SOAT1: variants seen among roughly 807,000 people sequenced by gnomAD.
SOAT1 encodes sterol O-acyltransferase 1.
A neutral mutation model predicts 69.5 loss-of-function variants in SOAT1; 55 were observed. The ratio of observed to expected loss-of-function variants is 0.79; its 90% confidence interval spans 0.64 to 0.99. The LOEUF (loss-of-function observed/expected upper bound fraction) is 0.99, where lower values mean the gene tolerates loss of function less well. Ranked by LOEUF, SOAT1 falls within the 50% of genes least tolerant of loss-of-function variation. SOAT1 has a pLI of 0.00. For synonymous variants in SOAT1, 231 were observed against 224.7 expected (o/e 1.03, Z -0.25); for missense variants, 580 against 669.3 (o/e 0.87, Z 1.47).
intron 1 of SOAT1, among the ~76,000 whole-genome samples, chr1:179,296,111 G>A (rs1464213560): frequency 1.3e-5 from 2 of 148,384 alleles, no homozygotes. Context: ...GTGAGCCACC[G>A]CGCCCAGCTC....
At chr1:179,333,860 A>G (rs934813202) in intron 3 of SOAT1, among the ~76,000 whole-genome samples, 4 of 152,076 alleles carry the variant, frequency 2.6e-5, no homozygotes, top group African/African-American at 9.7e-5. Flanking sequence ...GTTTCAAGGA[A>G]GAACTCATTT....
At chr1:179,323,045 C>CTT (rs36045111) in intron 2 of SOAT1, among the ~76,000 whole-genome samples, 26,266 of 126,540 alleles carry the variant, frequency 0.21, 3,012 homozygotes, top group East Asian at 0.43. Context: ...TCTTTTCTTT[C>CTT]TTTTTTTTTT....
At position 179,318,008 on chromosome 1, in the gene SOAT1, T is replaced by G. The variant is rs552551553; in HGVS notation, c.119-5429T>G. On this transcript the variant is annotated intron_variant, in intron 2 of 15. Transcript: ENST00000367619. ...TAAGTCAAGCCCAGCCAGGGCAACA[T>G]AGTGAGACCTTGTCTCTACAAAACA... Among the ~76,000 whole-genome samples the G allele has an allele frequency of 4.7e-3, 708 of 151,996 alleles. 6 individuals are homozygous for G. The highest frequency in any genetic ancestry group is 0.016 in the African/African-American group (667 of 41,434).
At chr1:179,353,564 T>A in intron 15 of SOAT1, 21 bp from the exon 16 acceptor site, 1 of 1,607,674 alleles carries the variant, frequency 6.2e-7, no homozygotes, top group Non-Finnish European at 8.5e-7. Flanking sequence ...ATTTTTCCAT[T>A]CTTATTTTTC....
Position 179,347,674 on chromosome 1 carries a change from T to G in SOAT1, c.1192T>G (p.Phe398Val). The change falls in exon 12 of 16, where the codon TTT (phenylalanine) becomes GTT (valine). Residue 398 changes from phenylalanine to valine, a missense_variant. Phe to Val is a conservative substitution (Grantham distance 50). Transcript: ENST00000367619. The part of the protein sequence containing the change: ...WLNAFAEMLR[F>V]GDRMFYKDWW... Reference sequence around the variant, plus strand: ...CAATGCCTTTGCTGAGATGTTACGCTTTGGTGACAGGATGTTCTATAAGGT... The same window carrying G: ...CAATGCCTTTGCTGAGATGTTACGCGTTGGTGACAGGATGTTCTATAAGGT... The G allele has an allele frequency of 6.2e-7, 1 of 1,611,792 alleles. No individual in the cohort carries two copies. The highest frequency in any genetic ancestry group is 8.5e-7 in the Non-Finnish European group (1 of 1,178,020).
At chr1:179,323,045 C>CTTTTTTTTTTTTTTTTT (rs36045111) in intron 2 of SOAT1, among the ~76,000 whole-genome samples, 4 of 126,738 alleles carry the variant, frequency 3.2e-5, no homozygotes, top group Non-Finnish European at 4.9e-5. Context: ...TCTTTTCTTT[C>CTTTTTTTTTTTTTTTTT]TTTTTTTTTT....
intron 3 of SOAT1, 72 bp downstream of exon 3, chr1:179,323,567 T>C (rs2124965915): frequency 1.7e-6 from 2 of 1,203,268 alleles, no homozygotes; most frequent in East Asian, 2.4e-5. Flanking sequence ...ACATTTTTAA[T>C]GCTAAATTGC....
chr1:179,305,056 C>T (rs1664956906), intron 2 of SOAT1, among the ~76,000 whole-genome samples: 2 of 152,134 alleles, frequency 1.3e-5, no homozygotes, highest in South Asian at 4.1e-4. Context: ...ACCATCACTG[C>T]TGTTTAATTT....
chr1:179,337,698 ATC>A (rs1418338869), intron 4 of SOAT1, 137 bp from the exon 5 acceptor site: 1 of 541,884 alleles, frequency 1.8e-6, no homozygotes, highest in Non-Finnish European at 3.3e-6. Context: ...GGTGGCGGGC[ATC>A]TGTAATCCTA....
intron 2 of SOAT1, among the ~76,000 whole-genome samples, chr1:179,310,206 A>G (rs892451854): frequency 9.1e-6 from 1 of 110,254 alleles, no homozygotes; most frequent in Non-Finnish European, 2.0e-5. Context: ...GGCTGCTTAT[A>G]GATATTTTTT....
At chr1:179,341,589 C>T (rs1666340955) in intron 7 of SOAT1, among the ~76,000 whole-genome samples, 1 of 148,170 alleles carries the variant, frequency 6.7e-6, no homozygotes, top group African/African-American at 2.5e-5. Context: ...GGCTGGAGTG[C>T]AGTGGCACCA....
At chr1:179,324,164 A>G (rs987293833) in intron 3 of SOAT1, among the ~76,000 whole-genome samples, 1 of 152,198 alleles carries the variant, frequency 6.6e-6, no homozygotes, top group African/African-American at 2.4e-5. Context: ...AGTTACATGC[A>G]TGTATGTATG....
Position 179,344,351 on chromosome 1 carries a change from GGGTTT to G in SOAT1, c.988-595_988-591del, listed in dbSNP as rs1666446758. Among the ~76,000 whole-genome samples the G allele has an allele frequency of 6.8e-4, 3 of 4,406 alleles. 1 individual carries two copies. Among genetic ancestry groups the G allele is most frequent in the South Asian group, 9.8e-3 (1 of 102 alleles). 2.9% of individuals were successfully genotyped at this position (4,406 alleles called of 152,430 possible). ...TTATGAAGTAAGTTCTTTCATTAAGGGGTTTTTTTTTTTTTTTTTTTTTTTTTTTT... is the reference window on the plus strand; with the variant it reads ...TTATGAAGTAAGTTCTTTCATTAAGGTTTTTTTTTTTTTTTTTTTTTTTTT... On this transcript the variant is annotated intron_variant, in intron 10 of 15. Transcript: ENST00000367619.
At chr1:179,348,725 C>G in intron 12 of SOAT1, 119 bp from the exon 13 acceptor site, 1 of 652,580 alleles carries the variant, frequency 1.5e-6, no homozygotes, top group Non-Finnish European at 2.7e-6. Context: ...TACATATGTT[C>G]TTTGGGAAGT....
At position 179,310,437 on chromosome 1, in the gene SOAT1, C is replaced by G. The variant is rs372251347; in HGVS notation, c.118+7635C>G. ...GTCTCTGTTTCTGTATGAACATGCA[C>G]TAATCCACGTTTCTGGCTCAGATTC... On this transcript the variant is annotated intron_variant, in intron 2 of 15. Transcript: ENST00000367619. Among the ~76,000 whole-genome samples the G allele has an allele frequency of 2.2e-4, 33 of 152,262 alleles. No individual in the cohort carries two copies. The South Asian group carries it at 6.2e-3, about 29-fold the overall frequency.
At chr1:179,309,707 A>G (rs1665153617) in intron 2 of SOAT1, among the ~76,000 whole-genome samples, 1 of 151,560 alleles carries the variant, frequency 6.6e-6, no homozygotes, top group South Asian at 2.1e-4. Context: ...GGTGGTTATT[A>G]TTTTTAAGAG....
rs1461392005 is a variant in SOAT1, at chr1:179,358,212, CTA to C, written c.*4575_*4576del. 5.3e-5 allele frequency: 8 copies of C among 152,162 alleles called. No individual in the cohort carries two copies. The highest frequency in any genetic ancestry group is 2.4e-5 in the African/African-American group (1 of 41,442). 9.4% of individuals were successfully genotyped at this position (152,162 alleles called of 1,614,324 possible). A position where few individuals can be genotyped will look rare whatever the true frequency, so the allele number is the denominator to read the frequency against. ...TTTCACGAGTGCATATCACTTTTGA[CTA>C]TATTAGTCAAGCATATTATTAAAGT... is the stretch of plus-strand genomic sequence containing the variant. On this transcript the variant is annotated 3_prime_UTR_variant, in exon 16 of 16. Coordinates refer to ENST00000367619, the MANE Select transcript of SOAT1 (RefSeq NM_003101.6).
chr1:179,309,652 T>A (rs1159007201), intron 2 of SOAT1, among the ~76,000 whole-genome samples: 2 of 152,134 alleles, frequency 1.3e-5, no homozygotes, highest in African/African-American at 4.8e-5. Context: ...TTTTTTTTCT[T>A]TAAAAGCCCT....
chr1:179,307,848 A>G (rs990069414), intron 2 of SOAT1, among the ~76,000 whole-genome samples: 4 of 151,404 alleles, frequency 2.6e-5, no homozygotes, highest in Admixed American at 6.6e-5. Flanking sequence ...CTGGAGTGCA[A>G]TGGCACAATC....
Sources: allele counts gnomAD v4.1 joint callset (sites outside exome capture counted in the v4.1 genomes callset), GRCh38; gene constraint gnomAD v4.1.1; transcripts MANE v1.5; gene names NCBI Gene and HGNC (gene_info 2026-07-23, HGNC 2026-07-21).